Variants in RPS6KC1 observed in about 807,000 individuals in gnomAD.
The protein encoded by RPS6KC1 is ribosomal protein S6 kinase C1.
In RPS6KC1, 54 loss-of-function variants were observed where a neutral mutation model predicts 103.8. The observed-to-expected ratio is 0.52, with a 90% confidence interval of 0.42 to 0.65. The LOEUF is 0.65. Among genes scored for constraint, RPS6KC1 ranks in the 30% least tolerant of loss-of-function variants. The probability of loss-of-function intolerance (pLI) is 0.00; values close to 1 mark genes in which losing one functional copy is unlikely to be tolerated. For missense variants in RPS6KC1, 1,151 were observed against 1,253.8 expected (o/e 0.92, Z 1.24); for synonymous variants, 439 against 438.7 (o/e 1.00, Z -0.01).
the RPS6KC1 span, among the ~76,000 whole-genome samples, chr1:213,340,811 C>G: frequency 6.6e-6 from 1 of 151,374 alleles, no homozygotes; most frequent in Non-Finnish European, 1.5e-5. Context: ...TGTGAATGGA[C>G]AGAAGTGTGA....
the RPS6KC1 span, among the ~76,000 whole-genome samples, chr1:213,583,835 A>AG: frequency 1.1e-4 from 14 of 122,668 alleles, no homozygotes; most frequent in Admixed American, 3.9e-4. Context: ...AAAAAAAAAA[A>AG]AAAGAAAAAA....
At chr1:213,352,568 T>C in the RPS6KC1 span, among the ~76,000 whole-genome samples, 1 of 152,156 alleles carries the variant, frequency 6.6e-6, no homozygotes, top group Non-Finnish European at 1.5e-5. Context: ...GAAGTAATCA[T>C]AGAAGGTAAA....
chr1:213,129,608 A>T lies in RPS6KC1; in HGVS notation c.554A>T (p.Asn185Ile). Reference sequence around the variant, plus strand: ...GAGTTAGATGATGGAATGGCTTCCAATCAAAATTCTCCCATTAGAACTTTT... The same window carrying T: ...GAGTTAGATGATGGAATGGCTTCCATTCAAAATTCTCCCATTAGAACTTTT... ...LAELDDGMAS[N>I]QNSPIRTFGL... The change falls in exon 6 of 15, where the codon AAT becomes ATT. Residue 185 changes from asparagine (N) to isoleucine (I), a missense_variant. By Grantham distance (149) the Asn-to-Ile change is moderately radical. This residue lies in a region of RPS6KC1 where 959 missense variants were observed against 1,006.3 expected (regional missense o/e 0.95). Transcript: ENST00000366960. 6.2e-7 allele frequency: 1 copy of T among 1,614,036 alleles called. No homozygotes were observed. The highest frequency in any genetic ancestry group is 8.5e-7 in the Non-Finnish European group (1 of 1,179,944).
At chr1:213,672,861 C>T in the RPS6KC1 span, among the ~76,000 whole-genome samples, 1 of 152,172 alleles carries the variant, frequency 6.6e-6, no homozygotes, top group East Asian at 1.9e-4. Flanking sequence ...CATTTCCAAT[C>T]TCAGTTGCTG....
chr1:213,753,386 C>A, the RPS6KC1 span, among the ~76,000 whole-genome samples: 186 of 152,282 alleles, frequency 1.2e-3, no homozygotes, highest in Middle Eastern at 6.8e-3. Context: ...GCAAGGATAT[C>A]TACTTGTGAT....
chr1:213,476,614 A>G, the RPS6KC1 span, among the ~76,000 whole-genome samples: 1 of 152,070 alleles, frequency 6.6e-6, no homozygotes, highest in Non-Finnish European at 1.5e-5. Context: ...CTCTGCTTAC[A>G]ATGGTGAACA....
chr1:213,455,535 T>C, the RPS6KC1 span, among the ~76,000 whole-genome samples: 1 of 152,200 alleles, frequency 6.6e-6, no homozygotes, highest in Admixed American at 6.5e-5. Context: ...AAATAAGCAG[T>C]TGAGTGGATG....
intron 14 of RPS6KC1, among the ~76,000 whole-genome samples, chr1:213,266,538 TA>T (rs985055285): frequency 1.1e-4 from 16 of 152,172 alleles, no homozygotes; most frequent in South Asian, 2.1e-4. Flanking sequence ...ACAGATTTGG[TA>T]AAAAACCAGT....
chr1:213,783,802 A>G, the RPS6KC1 span, among the ~76,000 whole-genome samples: 1 of 146,088 alleles, frequency 6.8e-6, no homozygotes, highest in South Asian at 2.3e-4. Flanking sequence ...TCAAATGAAA[A>G]GAAAGATGTT....
At chr1:213,733,255 C>T in the RPS6KC1 span, among the ~76,000 whole-genome samples, 1 of 144,640 alleles carries the variant, frequency 6.9e-6, no homozygotes, top group South Asian at 2.2e-4. Context: ...TTTTTTGAGA[C>T]AGGGTGTCAC....
the RPS6KC1 span, among the ~76,000 whole-genome samples, chr1:213,543,532 G>T: frequency 4.6e-5 from 7 of 152,128 alleles, no homozygotes; most frequent in Admixed American, 4.6e-4. Flanking sequence ...AATAATTGGG[G>T]TTAGGAGGAT....
chr1:213,804,397 C>T, the RPS6KC1 span, among the ~76,000 whole-genome samples: 3 of 151,596 alleles, frequency 2.0e-5, no homozygotes, highest in Non-Finnish European at 4.4e-5. Flanking sequence ...CCAAGGCCTC[C>T]TTTCTATTCT....
At chr1:213,224,467 ATAAG>A (rs1213062291) in intron 8 of RPS6KC1, among the ~76,000 whole-genome samples, 6 of 152,226 alleles carry the variant, frequency 3.9e-5, no homozygotes, top group East Asian at 3.8e-4. Context: ...TATAGGGCTG[ATAAG>A]TAAGTGTGAA....
At chr1:213,578,117 G>A in the RPS6KC1 span, among the ~76,000 whole-genome samples, 1 of 152,200 alleles carries the variant, frequency 6.6e-6, no homozygotes, top group Non-Finnish European at 1.5e-5. Flanking sequence ...GGCTAAAAGG[G>A]GCCAACATAC....
intron 4 of RPS6KC1, among the ~76,000 whole-genome samples, chr1:213,112,123 G>A (rs1351754352): frequency 6.6e-6 from 1 of 151,956 alleles, no homozygotes; most frequent in East Asian, 1.9e-4. Flanking sequence ...AGTTTTTTTT[G>A]TGCTGAAGTA....
At chr1:213,176,025 G>A (rs1286825254) in intron 7 of RPS6KC1, among the ~76,000 whole-genome samples, 2 of 152,108 alleles carry the variant, frequency 1.3e-5, no homozygotes, top group Non-Finnish European at 2.9e-5. Flanking sequence ...CTCTTGAGGT[G>A]TCTGGGTTAA....
the RPS6KC1 span, among the ~76,000 whole-genome samples, chr1:213,293,874 A>G: frequency 6.6e-6 from 1 of 152,234 alleles, no homozygotes; most frequent in African/African-American, 2.4e-5. Flanking sequence ...AGGTGATACT[A>G]TTAAGATACC....
chr1:213,550,605 A>G, the RPS6KC1 span, among the ~76,000 whole-genome samples: 20 of 152,240 alleles, frequency 1.3e-4, no homozygotes, highest in Admixed American at 1.3e-3. Flanking sequence ...AATAAATAAC[A>G]GGACATCTTG....
chr1:213,309,977 G>A, the RPS6KC1 span, among the ~76,000 whole-genome samples: 7 of 152,230 alleles, frequency 4.6e-5, no homozygotes, highest in South Asian at 2.1e-4. Flanking sequence ...GAGCCACTGC[G>A]CCCAGCAGAT....
Sources: allele counts gnomAD v4.1 joint callset (sites outside exome capture counted in the v4.1 genomes callset), GRCh38; gene constraint gnomAD v4.1.1; regional missense constraint gnomAD v4.1.1; transcripts MANE v1.5; gene names NCBI Gene and HGNC (gene_info 2026-07-23, HGNC 2026-07-21).